The following LRRC37A variants were observed in gnomAD, a reference collection of about 807,000 sequenced individuals.
LRRC37A encodes leucine-rich repeat-containing protein 37A.
LRRC37A carries 3 observed loss-of-function variants against 35.4 expected under a neutral mutation model. The ratio of observed to expected loss-of-function variants is 0.08; its 90% CI spans 0.04 to 0.22. LRRC37A has a LOEUF of 0.22. LRRC37A is among the 10% of genes least tolerant of loss of function. LRRC37A has a pLI of 1.00. For missense variants in LRRC37A, 67 were observed against 565.3 expected (o/e 0.12, Z 8.94); for synonymous variants, 23 against 215.0 (o/e 0.11, Z 7.81).
the LRRC37A span, among the ~76,000 whole-genome samples, chr17:46,256,727 G>A: frequency 6.6e-6 from 1 of 152,172 alleles, no homozygotes; most frequent in African/African-American, 2.4e-5. Context: ...ATTCACTGGG[G>A]ACACATCTTA....
the LRRC37A span, among the ~76,000 whole-genome samples, chr17:46,250,678 C>T: frequency 6.6e-6 from 1 of 152,194 alleles, no homozygotes; most frequent in East Asian, 1.9e-4. Flanking sequence ...ACCTTGTGAT[C>T]CTGTGAGTTA....
the LRRC37A span, among the ~76,000 whole-genome samples, chr17:46,258,293 C>T: frequency 3.3e-5 from 5 of 152,260 alleles, no homozygotes; most frequent in African/African-American, 1.2e-4. Flanking sequence ...TCACTGCAAC[C>T]TCTGCCTCCT....
the LRRC37A span, among the ~76,000 whole-genome samples, chr17:46,263,944 G>A: frequency 1.3e-5 from 2 of 151,284 alleles, no homozygotes; most frequent in Non-Finnish European, 2.9e-5. Flanking sequence ...TGATCTGCCC[G>A]CCTCAGCCTC....
At chr17:46,284,206 G>T in the LRRC37A span, among the ~76,000 whole-genome samples, 10 of 152,206 alleles carry the variant, frequency 6.6e-5, no homozygotes, top group African/African-American at 2.4e-4. Flanking sequence ...CCCTTCCCAC[G>T]AGGCCATATT....
the LRRC37A span, among the ~76,000 whole-genome samples, chr17:46,256,236 T>G: frequency 2.6e-5 from 4 of 151,906 alleles, no homozygotes; most frequent in Non-Finnish European, 5.9e-5. Context: ...AATACAAAAA[T>G]TAGCTGGGCG....
the LRRC37A span, among the ~76,000 whole-genome samples, chr17:46,252,755 A>G: frequency 3.3e-5 from 5 of 152,096 alleles, no homozygotes; most frequent in Non-Finnish European, 5.9e-5. Flanking sequence ...CAAAATGAAA[A>G]GTCTCCCATG....
At chr17:46,267,529 T>C in the LRRC37A span, 1 of 1,613,054 alleles carries the variant, frequency 6.2e-7, no homozygotes, top group Non-Finnish European at 8.5e-7. Flanking sequence ...GTATTGAAAC[T>C]GAGCTGAATG....
the LRRC37A span, among the ~76,000 whole-genome samples, chr17:46,255,363 C>CTTTTT: frequency 7.9e-6 from 1 of 126,372 alleles, no homozygotes; most frequent in Non-Finnish European, 1.7e-5. Context: ...TCCCCAAATT[C>CTTTTT]TTTTTTTTTT....
chr17:46,278,769 C>G, the LRRC37A span, among the ~76,000 whole-genome samples: 4 of 152,104 alleles, frequency 2.6e-5, no homozygotes, highest in Non-Finnish European at 4.4e-5. Context: ...TAGGCTGATT[C>G]TAAAAGTTGA....
At chr17:46,265,729 C>T in the LRRC37A span, among the ~76,000 whole-genome samples, 10 of 152,170 alleles carry the variant, frequency 6.6e-5, no homozygotes, top group African/African-American at 2.2e-4. Flanking sequence ...CCTCCTGTCT[C>T]AGGCTCCCAA....
the LRRC37A span, among the ~76,000 whole-genome samples, chr17:46,252,786 C>A: frequency 6.6e-6 from 1 of 152,246 alleles, no homozygotes; most frequent in African/African-American, 2.4e-5. Flanking sequence ...TCTACACAGA[C>A]ACGGCAACCA....
the LRRC37A span, among the ~76,000 whole-genome samples, chr17:46,253,780 G>C: frequency 1.3e-5 from 2 of 151,470 alleles, no homozygotes; most frequent in African/African-American, 4.9e-5. Flanking sequence ...GGGGAGGGGA[G>C]GGGGAGAGGG....
the LRRC37A span, among the ~76,000 whole-genome samples, chr17:46,279,468 G>C: frequency 6.0e-5 from 9 of 150,128 alleles, no homozygotes; most frequent in Admixed American, 4.6e-4. Flanking sequence ...ACAGGCATGA[G>C]CCACCGCACC....
At chr17:46,258,561 A>AC in the LRRC37A span, among the ~76,000 whole-genome samples, 1 of 152,138 alleles carries the variant, frequency 6.6e-6, no homozygotes, top group African/African-American at 2.4e-5. Flanking sequence ...ACAATTGTAA[A>AC]AATGTGGAAC....
chr17:46,268,771 T>A, the LRRC37A span: 2 of 1,089,978 alleles, frequency 1.8e-6, no homozygotes, highest in Non-Finnish European at 2.5e-6. Context: ...ATGTAATGGG[T>A]CCTCCTTTAG....
chr17:46,256,546 C>T, the LRRC37A span, among the ~76,000 whole-genome samples: 1 of 152,230 alleles, frequency 6.6e-6, no homozygotes, highest in Non-Finnish European at 1.5e-5. Context: ...TGATATGGGA[C>T]TTCCCAGCCT....
At chr17:46,257,533 GC>G in the LRRC37A span, among the ~76,000 whole-genome samples, 1 of 151,438 alleles carries the variant, frequency 6.6e-6, no homozygotes, top group Admixed American at 6.6e-5. Flanking sequence ...TAACAATTGG[GC>G]CAGGCATAGT....
chr17:46,270,685 G>A, the LRRC37A span, among the ~76,000 whole-genome samples: 1 of 152,190 alleles, frequency 6.6e-6, no homozygotes, highest in Non-Finnish European at 1.5e-5. Flanking sequence ...AAGGCGGGTG[G>A]ATCACAAGGT....
chr17:46,290,644 G>C (rs1409586005), upstream of LRRC37A, among the ~76,000 whole-genome samples: 1 of 152,044 alleles, frequency 6.6e-6, no homozygotes, highest in Non-Finnish European at 1.5e-5. Flanking sequence ...ACGGGGTTTC[G>C]CCCTGTTAGC....
Sources: allele counts gnomAD v4.1 joint callset (sites outside exome capture counted in the v4.1 genomes callset), GRCh38; gene constraint gnomAD v4.1.1; transcripts MANE v1.5; gene names NCBI Gene and HGNC (gene_info 2026-07-23, HGNC 2026-07-21).